Variants in SLC41A2 observed in about 807,000 individuals in gnomAD.
The protein encoded by SLC41A2 is solute carrier family 41 member 2, also known as SLC41A1-like 1.
In SLC41A2, 32 loss-of-function variants were observed where a neutral mutation model predicts 58.3. That is an observed-to-expected ratio of 0.55 (90% CI 0.41 to 0.74). The LOEUF is 0.74. Ranked by LOEUF, SLC41A2 falls within the 30% of genes least tolerant of loss-of-function variation. The pLI, the probability that SLC41A2 is intolerant of heterozygous loss-of-function variation, is 0.00. For missense variants in SLC41A2, 514 were observed against 680.6 expected, an observed-to-expected ratio of 0.76 and a Z score of 2.72; for synonymous variants, 190 against 235.0, an observed-to-expected ratio of 0.81 and a Z score of 1.75.
At chr12:104,843,016 A>G (rs1306460919) in intron 10 of SLC41A2, among the ~76,000 whole-genome samples, 1 of 152,050 alleles carries the variant, frequency 6.6e-6, no homozygotes, top group East Asian at 1.9e-4. Context: ...ACAGCATCAA[A>G]CATATATGAC....
intron 10 of SLC41A2, among the ~76,000 whole-genome samples, chr12:104,812,718 G>C (rs1033673658): frequency 1.3e-5 from 2 of 152,040 alleles, no homozygotes; most frequent in Non-Finnish European, 2.9e-5. Context: ...GCAGTGGCCC[G>C]GGGCACCAAA....
intron 8 of SLC41A2, among the ~76,000 whole-genome samples, chr12:104,851,097 TAAATA>T (rs1470400488): frequency 6.6e-6 from 1 of 152,168 alleles, no homozygotes; most frequent in Non-Finnish European, 1.5e-5. Flanking sequence ...CTGAGAGAAT[TAAATA>T]AAATAATGCA....
chr12:104,875,699 G>A (rs1012744998), intron 6 of SLC41A2, among the ~76,000 whole-genome samples: 5 of 152,152 alleles, frequency 3.3e-5, no homozygotes, highest in African/African-American at 4.8e-5. Context: ...AGGCTGAGGT[G>A]GGAGGACTGC....
chr12:104,892,324 AAT>A lies in SLC41A2; in HGVS notation c.735+2948_735+2949del, dbSNP rs1396545315. On this transcript the variant is annotated intron_variant, in intron 4 of 10. Coordinates refer to ENST00000258538, the MANE Select transcript of SLC41A2 (RefSeq NM_001352171.3). ...AAAAAAATAAAATAAAATAAAATAAAATAAAATAAAATATTGATGCAAGAAAT... is the reference window on the plus strand; with the variant it reads ...AAAAAAATAAAATAAAATAAAATAAAAAAATAAAATATTGATGCAAGAAAT... Among the ~76,000 whole-genome samples, 55 of 138,364 alleles carry A rather than the reference AAT, an allele frequency of 4.0e-4. 3 individuals carry two copies. Among genetic ancestry groups the A allele is most frequent in the African/African-American group, 1.2e-3 (38 of 31,934 alleles). The allele number at this position is 138,364 out of a possible 152,430, so 90.8% of individuals were successfully genotyped here.
intron 1 of SLC41A2, among the ~76,000 whole-genome samples, chr12:104,940,920 G>A (rs140168903): frequency 6.9e-4 from 86 of 124,290 alleles, no homozygotes; most frequent in African/African-American, 2.4e-3. Flanking sequence ...GAGTGACAGA[G>A]CAAGACTCTG....
At chr12:104,944,400 T>C (rs1054143590) in intron 1 of SLC41A2, among the ~76,000 whole-genome samples, 23 of 152,230 alleles carry the variant, frequency 1.5e-4, no homozygotes, top group Non-Finnish European at 1.5e-5. Context: ...AGCTTCTACC[T>C]TCTCCAAACT....
intron 1 of SLC41A2, among the ~76,000 whole-genome samples, chr12:104,932,289 C>G (rs1024686560): frequency 6.6e-6 from 1 of 151,958 alleles, no homozygotes; most frequent in African/African-American, 2.4e-5. Context: ...GCAAAAAGAA[C>G]AAATCTGGAG....
At chr12:104,910,540 C>G (rs1025944722) in intron 2 of SLC41A2, among the ~76,000 whole-genome samples, 3 of 152,114 alleles carry the variant, frequency 2.0e-5, no homozygotes, top group Non-Finnish European at 4.4e-5. Context: ...ATGGAATAGA[C>G]CCCCTTCTCA....
intron 1 of SLC41A2, among the ~76,000 whole-genome samples, chr12:104,954,741 T>C (rs1399955334): frequency 6.6e-6 from 1 of 152,242 alleles, no homozygotes; most frequent in African/African-American, 2.4e-5. Context: ...CATTTTGTAA[T>C]GTATAGGTTG....
intron 1 of SLC41A2, among the ~76,000 whole-genome samples, chr12:104,943,991 C>T (rs1270330267): frequency 2.0e-5 from 3 of 152,056 alleles, no homozygotes; most frequent in African/African-American, 7.2e-5. Flanking sequence ...CTTTTTGGGT[C>T]CCCTCCCTTT....
intron 6 of SLC41A2, among the ~76,000 whole-genome samples, chr12:104,868,607 T>C (rs976269672): frequency 6.6e-6 from 1 of 152,196 alleles, no homozygotes; most frequent in Non-Finnish European, 1.5e-5. Flanking sequence ...CCCAACAGAA[T>C]GGAAAACATA....
chr12:104,847,342 G>A lies in SLC41A2; in HGVS notation c.1256-1368C>T, dbSNP rs191457492. ...AAGACGGCCAGGAGCAGTGGCTCCCGCCTGTAATCCCAGCACTTTGGGGGG... is the reference window on the plus strand; with the variant it reads ...AAGACGGCCAGGAGCAGTGGCTCCCACCTGTAATCCCAGCACTTTGGGGGG... On this transcript the variant is annotated intron_variant, in intron 8 of 10. Transcript: ENST00000258538. 2.8e-3 allele frequency among the ~76,000 whole-genome samples: 422 copies of A among 152,076 alleles called. 5 individuals are homozygous for A. Among genetic ancestry groups the A allele is most frequent in the African/African-American group, 9.7e-3 (402 of 41,494 alleles).
chr12:104,870,540 GC>G (rs2043717621), intron 6 of SLC41A2, among the ~76,000 whole-genome samples: 1 of 152,138 alleles, frequency 6.6e-6, no homozygotes, highest in Non-Finnish European at 1.5e-5. Flanking sequence ...GGAATTTTAA[GC>G]CTAATAAATG....
chr12:104,808,178 A>T (rs1201309632), intron 10 of SLC41A2, among the ~76,000 whole-genome samples: 2 of 152,138 alleles, frequency 1.3e-5, no homozygotes, highest in Non-Finnish European at 2.9e-5. Context: ...GTTTTTGCCC[A>T]TTCAGTATGA....
intron 6 of SLC41A2, among the ~76,000 whole-genome samples, chr12:104,874,389 T>G (rs1413823634): frequency 1.3e-5 from 2 of 152,184 alleles, no homozygotes; most frequent in Admixed American, 1.3e-4. Context: ...CTGCCCGATT[T>G]TTTGATGTGA....
intron 2 of SLC41A2, among the ~76,000 whole-genome samples, chr12:104,910,998 GCTT>G (rs2046060854): frequency 6.6e-6 from 1 of 152,090 alleles, no homozygotes. Context: ...CTACCTGGAG[GCTT>G]CATCTGCATA....
chr12:104,896,982 G>A (rs796163511), intron 3 of SLC41A2, among the ~76,000 whole-genome samples: 5 of 152,062 alleles, frequency 3.3e-5, no homozygotes, highest in African/African-American at 1.2e-4. Context: ...CCTGCTCCAG[G>A]GCTTCAGGTG....
intron 10 of SLC41A2, among the ~76,000 whole-genome samples, chr12:104,825,693 C>T (rs924801922): frequency 2.0e-5 from 3 of 152,142 alleles, no homozygotes; most frequent in African/African-American, 7.2e-5. Context: ...AATATCTTTT[C>T]AGTCCCAAAC....
chr12:104,834,054 T>C, intron 10 of SLC41A2: 1 of 985,376 alleles, frequency 1.0e-6, no homozygotes, highest in South Asian at 4.7e-5. Flanking sequence ...TTATCAGGCT[T>C]TACAAGACCG....
Sources: gnomAD v4.1 joint callset for allele counts (sites outside exome capture counted in the v4.1 genomes callset) on GRCh38, gnomAD v4.1.1 for gene constraint, MANE v1.5 for transcripts, NCBI Gene and HGNC (gene_info 2026-07-23, HGNC 2026-07-21) for gene names.